PDE3B: variants seen among roughly 807,000 people sequenced by gnomAD.
PDE3B encodes cGMP-inhibited 3',5'-cyclic phosphodiesterase 3B.
In PDE3B, 66 loss-of-function variants were observed where a neutral mutation model predicts 116.8. The ratio of observed to expected loss-of-function variants is 0.56; its 90% confidence interval spans 0.46 to 0.69. The LOEUF (loss-of-function observed/expected upper bound fraction) is 0.69. Among genes scored for constraint, PDE3B ranks in the 30% least tolerant of loss-of-function variants. PDE3B has a pLI of 0.00. For synonymous variants in PDE3B, 595 were observed against 533.6 expected (o/e 1.12, Z -1.59); for missense variants, 1,384 against 1,368.1 (o/e 1.01, Z -0.18).
intron 4 of PDE3B, among the ~76,000 whole-genome samples, chr11:14,802,276 T>C (rs1858798605): frequency 6.6e-6 from 1 of 152,078 alleles, no homozygotes; most frequent in Non-Finnish European, 1.5e-5. Flanking sequence ...AGGGCCCCGG[T>C]GGGGTAGGCA....
chr11:14,825,585 T>C (rs183800749), intron 7 of PDE3B, among the ~76,000 whole-genome samples: 3 of 152,268 alleles, frequency 2.0e-5, no homozygotes, highest in East Asian at 3.9e-4. Context: ...CAATAAGACC[T>C]AACTATTCTA....
At chr11:14,694,653 T>C (rs1056698185) in intron 1 of PDE3B, among the ~76,000 whole-genome samples, 1 of 152,180 alleles carries the variant, frequency 6.6e-6, no homozygotes, top group African/African-American at 2.4e-5. Flanking sequence ...AGTGTAAATA[T>C]ACTTTTTATG....
At chr11:14,836,113 A>G (rs1307061431) in intron 11 of PDE3B, among the ~76,000 whole-genome samples, 2 of 152,112 alleles carry the variant, frequency 1.3e-5, no homozygotes, top group African/African-American at 4.8e-5. Flanking sequence ...TTTGTCTGCC[A>G]TCTGTATTTA....
At chr11:14,858,998 AAT>A (rs1555006598) in intron 12 of PDE3B, 43 bp from the exon 13 acceptor site, 2 of 1,360,258 alleles carry the variant, frequency 1.5e-6, no homozygotes, top group Non-Finnish European at 2.1e-6. Flanking sequence ...ATTAAACTTT[AAT>A]ATCTTTGAGG....
At chr11:14,688,113 T>TC (rs1854931993) in intron 1 of PDE3B, among the ~76,000 whole-genome samples, 131 of 109,920 alleles carry the variant, frequency 1.2e-3, no homozygotes, top group Middle Eastern at 5.3e-3. Flanking sequence ...CTCTCTCTCT[T>TC]TCTCTCTCTC....
the PDE3B span, among the ~76,000 whole-genome samples, chr11:14,881,156 A>AT: frequency 3.8e-4 from 58 of 152,256 alleles, no homozygotes; most frequent in African/African-American, 1.3e-3. Context: ...CACCTAAAAA[A>AT]TCATCCTTCT....
At chr11:14,658,894 C>G (rs1346416442) in intron 1 of PDE3B, among the ~76,000 whole-genome samples, 2 of 151,986 alleles carry the variant, frequency 1.3e-5, no homozygotes, top group South Asian at 2.1e-4. Context: ...TTATGTGACC[C>G]TGGTGCTTGG....
At chr11:14,725,646 CTCTT>C (rs1424892853) in intron 1 of PDE3B, among the ~76,000 whole-genome samples, 1 of 137,324 alleles carries the variant, frequency 7.3e-6, no homozygotes, top group Non-Finnish European at 1.6e-5. Context: ...TTTTCTCTCT[CTCTT>C]TCTTATACTC....
chr11:14,744,946 C>G (rs964723065), intron 1 of PDE3B, among the ~76,000 whole-genome samples: 3 of 152,078 alleles, frequency 2.0e-5, no homozygotes, highest in African/African-American at 7.2e-5. Flanking sequence ...AAGTGTTTAT[C>G]CTTTTTGTTA....
At chr11:14,760,084 A>G (rs1287878616) in intron 1 of PDE3B, among the ~76,000 whole-genome samples, 2 of 152,046 alleles carry the variant, frequency 1.3e-5, no homozygotes, top group Non-Finnish European at 2.9e-5. Context: ...TAGATTTTGT[A>G]GTTAGAGAAA....
chr11:14,805,244 A>G (rs935659379), intron 5 of PDE3B, among the ~76,000 whole-genome samples: 1 of 152,224 alleles, frequency 6.6e-6, no homozygotes, highest in Non-Finnish European at 1.5e-5. Flanking sequence ...GCAACCAAGC[A>G]AGGTTGTTTT....
At position 14,644,601 on chromosome 11, in the gene PDE3B, TG is replaced by T; in HGVS notation, c.532del (p.Asp178MetfsTer24). The T allele has an allele frequency of 1.3e-6, 2 of 1,554,094 alleles. No individual in the cohort carries two copies. The stretch of plus-strand genomic sequence containing the variant: ...GGTGTGGCAGTGGTGGTCTTGGCCT[TG>T]GGGGGATGGCGACGCAGGGTCCGCG... Reference protein sequence around the residue: ...FLVWQWWSWPWGDGDAGSAAP... With the variant: ...FLVWQWWSWPXGDGDAGSAAP... On this transcript the variant is annotated frameshift_variant, in exon 1 of 16. Coordinates refer to ENST00000282096, the MANE Select transcript of PDE3B (RefSeq NM_000922.4). LOFTEE classifies it high-confidence loss of function.
intron 10 of PDE3B, among the ~76,000 whole-genome samples, chr11:14,833,491 G>A (rs1042481870): frequency 6.6e-6 from 1 of 152,020 alleles, no homozygotes; most frequent in Non-Finnish European, 1.5e-5. Flanking sequence ...TTAATTGCCT[G>A]TGTACTTTAT....
chr11:14,861,152 C>A (rs1219749163), intron 13 of PDE3B, 53 bp from the exon 14 acceptor site: 7 of 1,407,542 alleles, frequency 5.0e-6, no homozygotes, highest in Non-Finnish European at 6.9e-6. Flanking sequence ...AACAAAACAA[C>A]AAGTTTTAAA....
chr11:14,755,446 A>C (rs770007306), intron 1 of PDE3B, among the ~76,000 whole-genome samples: 1 of 152,242 alleles, frequency 6.6e-6, no homozygotes, highest in Non-Finnish European at 1.5e-5. Context: ...ATAGAATTTT[A>C]TAAATACCTT....
chr11:14,874,874 G>A (rs1555009526), downstream of PDE3B, among the ~76,000 whole-genome samples: 1 of 152,008 alleles, frequency 6.6e-6, no homozygotes, highest in African/African-American at 2.4e-5. Context: ...TCCTTTTGTT[G>A]ATGTTTCCTC....
At chr11:14,677,367 G>A (rs1236009635) in intron 1 of PDE3B, among the ~76,000 whole-genome samples, 2 of 152,220 alleles carry the variant, frequency 1.3e-5, no homozygotes, top group African/African-American at 2.4e-5. Context: ...ATGGCATAAG[G>A]TTAGGTAGCC....
At chr11:14,890,951 A>T in the PDE3B span, 10 of 985,272 alleles carry the variant, frequency 1.0e-5, no homozygotes, top group Non-Finnish European at 1.1e-5. Flanking sequence ...CAAAACACTG[A>T]CCACAGCCTG....
rs1857204903 is a variant in PDE3B at position 14,756,962 on chromosome 11, C to A, written c.979-14975C>A. 2.5e-5 allele frequency among the ~76,000 whole-genome samples: 3 copies of A among 120,906 alleles called. No homozygotes were observed. In the South Asian group the frequency reaches 9.9e-4, roughly 40 times the overall value. 79.3% of individuals were successfully genotyped at this position (120,906 alleles called of 152,430 possible). A position where few individuals can be genotyped will look rare whatever the true frequency, so the allele number is the denominator to read the frequency against. ...TGCTATCCCTCCCCCCTCCCCCCACCCCACCACAGTCCCCAGAGTGTGATA... is the reference window on the plus strand; with the variant it reads ...TGCTATCCCTCCCCCCTCCCCCCACACCACCACAGTCCCCAGAGTGTGATA... On this transcript the variant is annotated intron_variant, in intron 1 of 15. Transcript: ENST00000282096.
Sources: allele counts gnomAD v4.1 joint callset (sites outside exome capture counted in the v4.1 genomes callset), GRCh38; gene constraint gnomAD v4.1.1; transcripts MANE v1.5; gene names NCBI Gene and HGNC (gene_info 2026-07-23, HGNC 2026-07-21).